Variants in DNM3 observed in about 807,000 individuals in gnomAD.
The protein encoded by DNM3 is dynamin-3.
Under a neutral mutation model 101.6 loss-of-function variants are expected in DNM3, and 47 were observed. The ratio of observed to expected loss-of-function variants is 0.46; its 90% CI spans 0.37 to 0.59. DNM3 has a LOEUF of 0.59. Ranked by LOEUF, DNM3 falls within the 20% of genes least tolerant of loss-of-function variation. The pLI is 0.00. For synonymous variants in DNM3, 385 were observed against 387.9 expected, an observed-to-expected ratio of 0.99 and a Z score of 0.09; for missense variants, 849 against 1,085.7, an observed-to-expected ratio of 0.78 and a Z score of 3.06.
Position 172,068,816 on chromosome 1 carries a change from C to G in DNM3, c.1336-3C>G. ...TAATACTCAGATCTGCTTTTCTTGA[C>G]AGCTGGCAAACTTCCCCAGACTCTG... is the stretch of plus-strand genomic sequence containing the variant. On this transcript the variant is annotated splice_polypyrimidine_tract_variant and splice_region_variant and intron_variant, in intron 10 of 20. Coordinates refer to ENST00000627582, the MANE Select transcript of DNM3 (RefSeq NM_015569.5). 6.4e-7 allele frequency: 1 copy of G among 1,565,932 alleles called. No individual in the cohort carries two copies. The highest frequency in any genetic ancestry group is 8.7e-7 in the Non-Finnish European group (1 of 1,154,456).
intron 1 of DNM3, among the ~76,000 whole-genome samples, chr1:171,876,615 C>T (rs940703654): frequency 1.3e-5 from 2 of 152,194 alleles, no homozygotes; most frequent in African/African-American, 4.8e-5. Flanking sequence ...GGATTAGGAT[C>T]ATGTTAGTGA....
At chr1:172,221,992 A>G (rs1319431141) in intron 14 of DNM3, among the ~76,000 whole-genome samples, 2 of 152,164 alleles carry the variant, frequency 1.3e-5, no homozygotes, top group Non-Finnish European at 2.9e-5. Flanking sequence ...ATCATCAAGT[A>G]GCTGAGGAAT....
intron 20 of DNM3, among the ~76,000 whole-genome samples, chr1:172,402,289 T>C (rs1421612040): frequency 6.6e-6 from 1 of 152,120 alleles, no homozygotes; most frequent in Non-Finnish European, 1.5e-5. Context: ...TTTTTTATCA[T>C]AAATAAGTTT....
chr1:171,896,578 A>G (rs1442457889), intron 1 of DNM3, among the ~76,000 whole-genome samples: 1 of 152,226 alleles, frequency 6.6e-6, no homozygotes, highest in Non-Finnish European at 1.5e-5. Flanking sequence ...TAAATATACA[A>G]TCATGTCATC....
intron 15 of DNM3, among the ~76,000 whole-genome samples, chr1:172,278,777 T>G (rs1195305441): frequency 6.6e-6 from 1 of 152,154 alleles, no homozygotes; most frequent in Non-Finnish European, 1.5e-5. Context: ...CTGTGGCATT[T>G]CCATAACAAA....
At chr1:172,265,695 A>G (rs892975359) in intron 15 of DNM3, among the ~76,000 whole-genome samples, 5 of 152,160 alleles carry the variant, frequency 3.3e-5, no homozygotes, top group African/African-American at 1.2e-4. Flanking sequence ...TTTCTCTGAT[A>G]GAAGTATGTC....
intron 4 of DNM3, among the ~76,000 whole-genome samples, chr1:172,026,020 A>C (rs562097191): frequency 6.6e-5 from 10 of 152,276 alleles, no homozygotes; most frequent in African/African-American, 1.9e-4. Context: ...GAGCTAAAGG[A>C]GGATGGTTTA....
At chr1:172,105,725 C>T (rs573891869) in intron 13 of DNM3, among the ~76,000 whole-genome samples, 1 of 152,114 alleles carries the variant, frequency 6.6e-6, no homozygotes, top group Non-Finnish European at 1.5e-5. Flanking sequence ...GTTTTCCCAT[C>T]CAAACAGTTA....
At chr1:172,040,104 T>C (rs1268596045) in intron 7 of DNM3, among the ~76,000 whole-genome samples, 1 of 152,120 alleles carries the variant, frequency 6.6e-6, no homozygotes, top group Non-Finnish European at 1.5e-5. Flanking sequence ...ATGAGAACTT[T>C]GGTAACATTT....
At chr1:172,163,312 C>T (rs925963845) in intron 14 of DNM3, among the ~76,000 whole-genome samples, 1 of 148,882 alleles carries the variant, frequency 6.7e-6, no homozygotes, top group Non-Finnish European at 1.5e-5. Context: ...GATCTTGGCT[C>T]ACTGCAACCT....
rs998214854 is a variant in DNM3 at position 172,402,938 on chromosome 1, C to T, written c.2523-4834C>T. ...AAGTAAAAATCTTTTTTTTACTGAA[C>T]AGTGGTTTCAAAGCATAGTCCCAGG... On this transcript the variant is annotated intron_variant, in intron 20 of 20. Coordinates refer to ENST00000627582, the MANE Select transcript of DNM3 (RefSeq NM_015569.5). 2.0e-5 allele frequency among the ~76,000 whole-genome samples: 3 copies of T among 152,048 alleles called. No homozygotes were observed. The South Asian group carries it at 6.2e-4, about 31-fold the overall frequency.
At chr1:172,011,549 G>A (rs1454098736) in intron 4 of DNM3, among the ~76,000 whole-genome samples, 1 of 151,946 alleles carries the variant, frequency 6.6e-6, no homozygotes, top group African/African-American at 2.4e-5. Context: ...AGCAGAAAGT[G>A]AGTAATGTCT....
intron 1 of DNM3, among the ~76,000 whole-genome samples, chr1:171,876,828 AT>A (rs1183322165): frequency 1.3e-5 from 2 of 152,214 alleles, no homozygotes; most frequent in Non-Finnish European, 2.9e-5. Context: ...GTGGCTTTAT[AT>A]TAAAATGTTT....
At chr1:172,004,450 G>A (rs2046547061) in intron 4 of DNM3, among the ~76,000 whole-genome samples, 1 of 151,968 alleles carries the variant, frequency 6.6e-6, no homozygotes, top group African/African-American at 2.4e-5. Flanking sequence ...GCACATTGCT[G>A]CTGCTTGGAT....
intron 15 of DNM3, among the ~76,000 whole-genome samples, chr1:172,277,983 G>C (rs2063349697): frequency 6.6e-6 from 1 of 152,048 alleles, no homozygotes; most frequent in Admixed American, 6.6e-5. Flanking sequence ...GTTCCTAAAG[G>C]AAAGCATCTC....
intron 1 of DNM3, among the ~76,000 whole-genome samples, chr1:171,857,957 A>T (rs1354618998): frequency 3.9e-5 from 6 of 152,168 alleles, no homozygotes; most frequent in African/African-American, 1.4e-4. Flanking sequence ...GGCCATGTGG[A>T]TACAGAGAGA....
chr1:172,245,210 G>C (rs1271757675), intron 14 of DNM3, among the ~76,000 whole-genome samples: 1 of 152,134 alleles, frequency 6.6e-6, no homozygotes, highest in Non-Finnish European at 1.5e-5. Context: ...CAGAGTAACA[G>C]GGGAGCAAGA....
At chr1:172,390,882 C>T (rs1217135116) in intron 20 of DNM3, among the ~76,000 whole-genome samples, 1 of 152,150 alleles carries the variant, frequency 6.6e-6, no homozygotes, top group African/African-American at 2.4e-5. Flanking sequence ...GGTGCCTGTC[C>T]TGGGGAATGA....
At chr1:172,057,921 C>T (rs1373853288) in intron 10 of DNM3, among the ~76,000 whole-genome samples, 8 of 135,772 alleles carry the variant, frequency 5.9e-5, no homozygotes, top group Non-Finnish European at 9.3e-5. Context: ...AGAGTCAAGA[C>T]CCATCAGTGT....
Sources: gnomAD v4.1 joint callset for allele counts (sites outside exome capture counted in the v4.1 genomes callset) on GRCh38, gnomAD v4.1.1 for gene constraint, MANE v1.5 for transcripts, NCBI Gene and HGNC (gene_info 2026-07-23, HGNC 2026-07-21) for gene names.